Variants in STK10 observed in about 807,000 individuals in gnomAD.
STK10 encodes serine/threonine kinase 10.
Under a neutral mutation model 113.8 loss-of-function variants are expected in STK10, and 78 were observed. The ratio of observed to expected loss-of-function variants is 0.69; its 90% CI spans 0.57 to 0.83. The LOEUF (loss-of-function observed/expected upper bound fraction) is 0.83, where lower values mean the gene tolerates loss of function less well. Among genes scored for constraint, STK10 ranks in the 40% least tolerant of loss-of-function variants. STK10 has a pLI of 0.00. For missense variants in STK10, 1,109 were observed against 1,280.1 expected, an observed-to-expected ratio of 0.87 and a Z score of 2.04; for synonymous variants, 465 against 494.7, an observed-to-expected ratio of 0.94 and a Z score of 0.80.
chr5:172,186,040 G>A (rs1416910621), intron 1 of STK10, among the ~76,000 whole-genome samples: 2 of 152,160 alleles, frequency 1.3e-5, no homozygotes, highest in South Asian at 2.1e-4. Flanking sequence ...TTGGGAGGCC[G>A]AGGTGGGTGG....
intron 1 of STK10, among the ~76,000 whole-genome samples, chr5:172,180,269 G>T (rs146185201): frequency 6.6e-6 from 1 of 151,974 alleles, no homozygotes; most frequent in East Asian, 1.9e-4. Flanking sequence ...TTCAAGACCA[G>T]CCTGGCCAAC....
intron 18 of STK10, among the ~76,000 whole-genome samples, chr5:172,048,023 C>T (rs953577213): frequency 6.6e-6 from 1 of 151,880 alleles, no homozygotes; most frequent in African/African-American, 2.4e-5. Context: ...CTGCCTCAGC[C>T]CCCCATGTAG....
chr5:172,146,674 C>T (rs1318167852), intron 2 of STK10, among the ~76,000 whole-genome samples: 3 of 152,182 alleles, frequency 2.0e-5, no homozygotes, highest in African/African-American at 7.2e-5. Flanking sequence ...GCCCGTGGGG[C>T]CAAGTCAGAT....
chr5:172,138,689 G>T (rs964576428), intron 2 of STK10, among the ~76,000 whole-genome samples: 1 of 152,080 alleles, frequency 6.6e-6, no homozygotes, highest in African/African-American at 2.4e-5. Context: ...AAAGTCCTGT[G>T]CACTGAAAAC....
At chr5:172,152,397 T>C (rs1230028520) in intron 2 of STK10, among the ~76,000 whole-genome samples, 1 of 152,214 alleles carries the variant, frequency 6.6e-6, no homozygotes, top group Non-Finnish European at 1.5e-5. Flanking sequence ...TTGAAAGATT[T>C]GCCCAGAGAC....
chr5:172,157,851 A>G (rs1770384041), intron 1 of STK10, among the ~76,000 whole-genome samples: 1 of 139,128 alleles, frequency 7.2e-6, no homozygotes, highest in Non-Finnish European at 1.5e-5. Flanking sequence ...TCGGCCTCCC[A>G]AAGTGTTGGG....
chr5:172,105,863 C>T (rs1769092782), intron 6 of STK10, 126 bp from the exon 7 acceptor site: 1 of 776,696 alleles, frequency 1.3e-6, no homozygotes, highest in Admixed American at 2.2e-5. Context: ...CAAGCTAAAA[C>T]AGTGACAGGG....
rs548605209 is a variant in STK10, at chr5:172,121,710, C to CTAAA, written c.371-4084_371-4081dup. Among the ~76,000 whole-genome samples the CTAAA allele has an allele frequency of 2.4e-3, 365 of 151,714 alleles. 1 individual carries two copies. Among genetic ancestry groups the CTAAA allele is most frequent in the African/African-American group, 7.4e-3 (305 of 41,228 alleles). On this transcript the variant is annotated intron_variant, in intron 3 of 18. Coordinates refer to ENST00000176763, the MANE Select transcript of STK10 (RefSeq NM_005990.4). Reference sequence around the variant, plus strand: ...GGGGAACAAGAGCAAAACTCTGTCTCTAAATAAATAAATAAATAAATAATT... The same window carrying CTAAA: ...GGGGAACAAGAGCAAAACTCTGTCTCTAAATAAATAAATAAATAAATAAATAATT...
chr5:172,092,187 G>A (rs1768727364), intron 9 of STK10, among the ~76,000 whole-genome samples: 2 of 152,178 alleles, frequency 1.3e-5, no homozygotes, highest in African/African-American at 2.4e-5. Flanking sequence ...GGGGAAGAAA[G>A]GGCACCCACA....
intron 12 of STK10, among the ~76,000 whole-genome samples, chr5:172,075,138 C>A (rs966226366): frequency 6.6e-6 from 1 of 150,708 alleles, no homozygotes; most frequent in African/African-American, 2.4e-5. Flanking sequence ...CCACTGCATT[C>A]CATCCTGGAA....
chr5:172,088,858 G>A (rs1230126220), intron 10 of STK10, among the ~76,000 whole-genome samples: 1 of 152,200 alleles, frequency 6.6e-6, no homozygotes, highest in Non-Finnish European at 1.5e-5. Flanking sequence ...TGGAAATAGG[G>A]TCTCCCGAAG....
chr5:172,143,935 G>T lies in STK10; in HGVS notation c.321+12689C>A, dbSNP rs138305420. Among the ~76,000 whole-genome samples the T allele has an allele frequency of 1.5e-4, 23 of 152,332 alleles. No individual in the cohort carries two copies. In the East Asian group the frequency reaches 4.0e-3, roughly 27 times the overall value. ...CAGAACAGCCAAAAGATGGCTAACA[G>T]AGATGACAGCCAGATTGTGCAAACG... On this transcript the variant is annotated intron_variant, in intron 2 of 18. Coordinates refer to ENST00000176763, the MANE Select transcript of STK10 (RefSeq NM_005990.4).
intron 1 of STK10, among the ~76,000 whole-genome samples, chr5:172,159,036 T>C (rs1162959700): frequency 6.6e-6 from 1 of 152,152 alleles, no homozygotes; most frequent in Non-Finnish European, 1.5e-5. Flanking sequence ...ATGATAAATA[T>C]GATGTTCTGT....
At chr5:172,134,091 A>G (rs75953214) in intron 2 of STK10, among the ~76,000 whole-genome samples, 4,935 of 152,278 alleles carry the variant, frequency 0.032, 300 homozygotes, top group African/African-American at 0.11. Flanking sequence ...CTACTGCTCA[A>G]TGGGAATTTA....
intron 18 of STK10, among the ~76,000 whole-genome samples, chr5:172,051,847 G>A (rs1188834223): frequency 6.6e-6 from 1 of 152,134 alleles, no homozygotes; most frequent in African/African-American, 2.4e-5. Context: ...GCCAGCAGCG[G>A]CTGCAGTGGG....
intron 18 of STK10, among the ~76,000 whole-genome samples, chr5:172,048,661 C>T (rs1767556225): frequency 6.6e-6 from 1 of 152,126 alleles, no homozygotes; most frequent in South Asian, 2.1e-4. Context: ...TCATTAGTCA[C>T]CAAGGCTATC....
At chr5:172,086,496 C>T (rs1193329019) in intron 10 of STK10, among the ~76,000 whole-genome samples, 1 of 152,158 alleles carries the variant, frequency 6.6e-6, no homozygotes, top group South Asian at 2.1e-4. Context: ...GAAGGAAAGG[C>T]AAGCAAAGAG....
At chr5:172,141,566 G>A (rs1200959237) in intron 2 of STK10, among the ~76,000 whole-genome samples, 2 of 147,878 alleles carry the variant, frequency 1.4e-5, no homozygotes, top group African/African-American at 5.1e-5. Context: ...CTGTGTGTCA[G>A]AGCCAGACCC....
At chr5:172,123,688 T>C (rs1344165471) in intron 3 of STK10, among the ~76,000 whole-genome samples, 4 of 152,106 alleles carry the variant, frequency 2.6e-5, no homozygotes, top group Admixed American at 6.5e-5. Context: ...CAATGAGACA[T>C]AAATCAAGGT....
Sources: allele counts gnomAD v4.1 joint callset (sites outside exome capture counted in the v4.1 genomes callset), GRCh38; gene constraint gnomAD v4.1.1; transcripts MANE v1.5; gene names NCBI Gene and HGNC (gene_info 2026-07-23, HGNC 2026-07-21).